RBCK1: variants seen among roughly 807,000 people sequenced by gnomAD.
RBCK1 encodes the protein RANBP2-type and C3HC4-type zinc finger containing 1, also known as ranBP-type and C3HC4-type zinc finger-containing protein 1.
A neutral mutation model predicts 71.1 loss-of-function variants in RBCK1; 44 were observed. The ratio of observed to expected loss-of-function variants is 0.62; its 90% CI spans 0.49 to 0.80. The LOEUF is 0.80. RBCK1 is among the 30% of genes least tolerant of loss of function. The pLI is 0.00. For missense variants in RBCK1, 569 were observed against 685.0 expected, an observed-to-expected ratio of 0.83 and a Z score of 1.89; for synonymous variants, 306 against 279.7, an observed-to-expected ratio of 1.09 and a Z score of -0.94.
chr20:410,941 T>C (rs2122178751), intron 2 of RBCK1, among the ~76,000 whole-genome samples: 1 of 152,326 alleles, frequency 6.6e-6, no homozygotes, highest in Admixed American at 6.5e-5. Context: ...TATTCAAGGT[T>C]GTGCAACCAT....
chr20:412,677 T>G (rs2015777418), intron 2 of RBCK1, among the ~76,000 whole-genome samples: 1 of 152,210 alleles, frequency 6.6e-6, no homozygotes, highest in Admixed American at 6.5e-5. Flanking sequence ...CTAGAAGTAC[T>G]TTATTCATTT....
chr20:409,248 C>T (rs1188436623), intron 1 of RBCK1, among the ~76,000 whole-genome samples: 2 of 152,240 alleles, frequency 1.3e-5, no homozygotes, highest in African/African-American at 4.8e-5. Context: ...GCCATGCTCA[C>T]TCTACTGGAG....
chr20:426,638 GTTC>G (rs1047207538), intron 8 of RBCK1, among the ~76,000 whole-genome samples: 1 of 151,838 alleles, frequency 6.6e-6, no homozygotes, highest in African/African-American at 2.4e-5. Context: ...TATTATTTAT[GTTC>G]TTTTCTTTAT....
chr20:415,394 C>T (rs960949587), intron 2 of RBCK1, among the ~76,000 whole-genome samples: 2 of 127,528 alleles, frequency 1.6e-5, no homozygotes, highest in Non-Finnish European at 3.4e-5. Flanking sequence ...AAACAAAACC[C>T]CTCAATACTA....
chr20:420,388 C>A, intron 6 of RBCK1: 3 of 984,872 alleles, frequency 3.0e-6, no homozygotes, highest in Non-Finnish European at 3.6e-6. Context: ...CCCTTGGACC[C>A]GGTGCTGCCC....
chr20:426,701 C>CTGGTTT (rs2016732256), intron 8 of RBCK1, among the ~76,000 whole-genome samples: 1 of 151,810 alleles, frequency 6.6e-6, no homozygotes. Context: ...TTTTAGTATA[C>CTGGTTT]AGTTCAGTGG....
intron 8 of RBCK1, among the ~76,000 whole-genome samples, chr20:426,403 G>A (rs1008619150): frequency 6.6e-6 from 1 of 152,152 alleles, no homozygotes; most frequent in Non-Finnish European, 1.5e-5. Flanking sequence ...GTCCTCATTA[G>A]TTCAGTTGTT....
At chr20:414,581 T>C (rs1362592148) in intron 2 of RBCK1, among the ~76,000 whole-genome samples, 1 of 152,266 alleles carries the variant, frequency 6.6e-6, no homozygotes, top group African/African-American at 2.4e-5. Flanking sequence ...TGTATTTTTT[T>C]GTTGATAGTG....
intron 2 of RBCK1, among the ~76,000 whole-genome samples, chr20:413,309 CA>C (rs953145746): frequency 8.9e-5 from 13 of 146,464 alleles, no homozygotes; most frequent in Admixed American, 2.0e-4. Context: ...TCTGTTTCTG[CA>C]AAAAAAAAAC....
In RBCK1 at chr20:428,920, C is replaced by G; in HGVS notation, c.1309-31C>G. ...CCAGGCTGGGTGACTGCCCCAGCCC[C>G]GCCCCAGGGCCAGCACCTGCCCCAC... is the stretch of plus-strand genomic sequence containing the variant. On this transcript the variant is annotated intron_variant, in intron 10 of 11. Coordinates refer to ENST00000356286, the MANE Select transcript of RBCK1 (RefSeq NM_031229.4). This position sits in a 1 kb window ranked among gnomAD's most constrained non-coding sequence, Gnocchi z 5.7. 3 of 1,582,458 alleles carry G rather than the reference C, an allele frequency of 1.9e-6. No homozygotes were observed. Among genetic ancestry groups the G allele is most frequent in the Non-Finnish European group, 2.6e-6 (3 of 1,168,692 alleles).
rs1348422980 is a variant in RBCK1, at chr20:431,764, G to A, written c.*1334G>A. Reference sequence around the variant, plus strand: ...TTCGGCACTGCCTGCATTGGCTCAGGGCAGTCAACCGTCGCAGAGGATGAG... The same window carrying A: ...TTCGGCACTGCCTGCATTGGCTCAGAGCAGTCAACCGTCGCAGAGGATGAG... On this transcript the variant is annotated 3_prime_UTR_variant, in exon 12 of 12. Coordinates refer to ENST00000356286, the MANE Select transcript of RBCK1 (RefSeq NM_031229.4). The surrounding 1 kb of genome is among the most constrained non-coding windows in gnomAD (Gnocchi z 4.8). Among the ~76,000 whole-genome samples the A allele has an allele frequency of 6.6e-6, 1 of 152,208 alleles. No individual in the cohort carries two copies. The highest frequency in any genetic ancestry group is 2.4e-5 in the African/African-American group (1 of 41,460).
Position 418,363 on chromosome 20 carries a change from C to T in RBCK1, c.460+433C>T, listed in dbSNP as rs189671742. On this transcript the variant is annotated intron_variant, in intron 4 of 11. Transcript: ENST00000356286. The stretch of plus-strand genomic sequence containing the variant: ...CATGTACCTTTCATGTGGGTTTTAC[C>T]ACATGTGCTTTCTTTTTTTTTTTGA... Among the ~76,000 whole-genome samples the T allele has an allele frequency of 3.2e-3, 480 of 152,106 alleles. 1 individual carries two copies. Among genetic ancestry groups the T allele is most frequent in the African/African-American group, 0.011 (465 of 41,510 alleles).
rs187845241 is a variant in RBCK1 at position 423,224 on chromosome 20, C to G, written c.1029+986C>G. On this transcript the variant is annotated intron_variant, in intron 8 of 11. Transcript: ENST00000356286. The stretch of plus-strand genomic sequence containing the variant: ...TGAGGCAGGGGAATCGCTTGAACCC[C>G]GGAGGCGGAGGTTGTGGTGAACTGA... 6.3e-3 allele frequency among the ~76,000 whole-genome samples: 953 copies of G among 151,948 alleles called. 9 individuals are homozygous for G. Among genetic ancestry groups the G allele is most frequent in the African/African-American group, 0.022 (922 of 41,438 alleles).
In RBCK1 at chr20:428,244, G is replaced by A. The variant is rs1383576974; in HGVS notation, c.1210-247G>A. 1.3e-5 allele frequency among the ~76,000 whole-genome samples: 2 copies of A among 152,228 alleles called. No individual in the cohort carries two copies. Among genetic ancestry groups the A allele is most frequent in the African/African-American group, 4.8e-5 (2 of 41,464 alleles). On this transcript the variant is annotated intron_variant, in intron 9 of 11. Transcript: ENST00000356286. This position sits in a 1 kb window ranked among gnomAD's most constrained non-coding sequence, Gnocchi z 5.7. ...AAGCTGGGTGTGGCAGCACATGTCA[G>A]TGGTCCCAGCTACTCAGGAGGCTGA... is the stretch of plus-strand genomic sequence containing the variant.
chr20:422,283 AG>A lies in RBCK1; in HGVS notation c.1029+47del. 1 of 1,514,548 alleles carries A rather than the reference AG, an allele frequency of 6.6e-7. No individual in the cohort carries two copies. The highest frequency in any genetic ancestry group is 1.4e-5 in the African/African-American group (1 of 72,616). 93.8% of individuals were successfully genotyped at this position (1,514,548 alleles called of 1,614,324 possible). On this transcript the variant is annotated intron_variant, in intron 8 of 11. Coordinates refer to ENST00000356286, the MANE Select transcript of RBCK1 (RefSeq NM_031229.4). The surrounding 1 kb of genome is among the most constrained non-coding windows in gnomAD (Gnocchi z 5.0). ...GACATACCCCAAGTCCCAACTCCTAAGGAACTGGGCCCTGAGCAGGCAGCAG... is the reference window on the plus strand; with the variant it reads ...GACATACCCCAAGTCCCAACTCCTAAGAACTGGGCCCTGAGCAGGCAGCAG...
chr20:418,439 G>A (rs1281825174), intron 4 of RBCK1, among the ~76,000 whole-genome samples: 2 of 152,116 alleles, frequency 1.3e-5, no homozygotes, highest in Admixed American at 1.3e-4. Flanking sequence ...CACAATCTCG[G>A]CTCACTGCAA....
intron 2 of RBCK1, among the ~76,000 whole-genome samples, chr20:415,595 G>GA (rs1555784810): frequency 4.0e-5 from 6 of 148,478 alleles, no homozygotes; most frequent in Admixed American, 3.4e-4. Context: ...TATGCCACTA[G>GA]TTTTTTTTTT....
intron 2 of RBCK1, among the ~76,000 whole-genome samples, chr20:414,461 T>C (rs2015882509): frequency 6.6e-6 from 1 of 152,194 alleles, no homozygotes; most frequent in Non-Finnish European, 1.5e-5. Context: ...AATATGCATT[T>C]ATAGTATGTA....
Position 422,135 on chromosome 20 carries a change from T to C in RBCK1, c.926T>C (p.Leu309Pro), listed in dbSNP as rs2016473268. ...ECLHTFCREC[L>P]QGTIRNSQEA... Reference sequence around the variant, plus strand: ...CCCCTCCCCTCCCCTAGGGAGTGCCTGCAGGGCACCATCCGCAACAGCCAG... The same window carrying C: ...CCCCTCCCCTCCCCTAGGGAGTGCCCGCAGGGCACCATCCGCAACAGCCAG... Residue 309 changes from leucine to proline, a missense_variant, in exon 8 of 12, where the codon CTG (leucine) becomes CCG (proline). By Grantham distance (98) the Leu-to-Pro change is moderately conservative (BLOSUM62 -3). Coordinates refer to ENST00000356286, the MANE Select transcript of RBCK1 (RefSeq NM_031229.4). This position sits in a 1 kb window ranked among gnomAD's most constrained non-coding sequence, Gnocchi z 5.0. 1 of 1,611,778 alleles carries C rather than the reference T, an allele frequency of 6.2e-7. No individual in the cohort carries two copies. Among genetic ancestry groups the C allele is most frequent in the South Asian group, 1.1e-5 (1 of 91,088 alleles).
Sources: allele counts gnomAD v4.1 joint callset (sites outside exome capture counted in the v4.1 genomes callset), GRCh38; gene constraint gnomAD v4.1.1; non-coding constraint Gnocchi (gnomAD v3.1); transcripts MANE v1.5; gene names NCBI Gene and HGNC (gene_info 2026-07-23, HGNC 2026-07-21).